Variants in AP3B2 observed in about 807,000 individuals in gnomAD.
The protein encoded by AP3B2 is adaptor related protein complex 3 subunit beta 2.
AP3B2 carries 50 observed loss-of-function variants against 126.9 expected under a neutral mutation model. The ratio of observed to expected loss-of-function variants is 0.39; its 90% CI spans 0.31 to 0.50. The LOEUF is 0.50. AP3B2 is among the 20% of genes least tolerant of loss of function. AP3B2 has a pLI of 0.79. For synonymous variants in AP3B2, 541 were observed against 565.0 expected (o/e 0.96, Z 0.60); for missense variants, 1,177 against 1,426.4 (o/e 0.83, Z 2.82).
At chr15:82,697,544 A>C (rs10906984) in intron 1 of AP3B2, among the ~76,000 whole-genome samples, 88,439 of 151,928 alleles carry the variant, frequency 0.58, 25,917 homozygotes, top group Non-Finnish European at 0.63. Context: ...AGAACACGCA[A>C]CTTAGTCACA....
intron 14 of AP3B2, among the ~76,000 whole-genome samples, chr15:82,668,274 G>A (rs1390057055): frequency 1.3e-5 from 2 of 152,204 alleles, no homozygotes; most frequent in African/African-American, 4.8e-5. Context: ...CTGCGATACT[G>A]TTATAGTCAC....
intron 11 of AP3B2, 123 bp from the exon 12 acceptor site, chr15:82,677,926 G>A (rs1397567002): frequency 7.3e-7 from 1 of 1,367,244 alleles, no homozygotes; most frequent in Non-Finnish European, 9.8e-7. Context: ...GAAAGGGGGT[G>A]ACAACTCCAC....
At chr15:82,704,331 CTTAA>C (rs1357137384) in intron 1 of AP3B2, among the ~76,000 whole-genome samples, 1 of 152,208 alleles carries the variant, frequency 6.6e-6, no homozygotes, top group Non-Finnish European at 1.5e-5. Context: ...CATAACAGGA[CTTAA>C]TTAACCTCGC....
chr15:82,692,696 T>A (rs1204651103), intron 1 of AP3B2: 1 of 153,854 alleles, frequency 6.5e-6, no homozygotes, highest in Non-Finnish European at 1.4e-5. Flanking sequence ...TTCCAGGGAC[T>A]GGAAGGGTCC....
At chr15:82,708,451 T>C (rs1291023964) in intron 1 of AP3B2, among the ~76,000 whole-genome samples, 3 of 151,458 alleles carry the variant, frequency 2.0e-5, no homozygotes, top group African/African-American at 7.3e-5. Context: ...CAATATCCAA[T>C]TAATCATCAG....
intron 14 of AP3B2, among the ~76,000 whole-genome samples, chr15:82,667,663 T>C (rs2151431737): frequency 6.6e-6 from 1 of 152,348 alleles, no homozygotes; most frequent in East Asian, 1.9e-4. Context: ...ACTTATCAAG[T>C]GCCTTCTGGC....
intron 14 of AP3B2, among the ~76,000 whole-genome samples, chr15:82,675,033 T>A (rs999747671): frequency 4.2e-4 from 64 of 152,208 alleles, no homozygotes; most frequent in African/African-American, 1.4e-3. Context: ...GGCTGCTTCA[T>A]CTTTTCAAAC....
chr15:82,667,236 G>T (rs948331528), intron 14 of AP3B2, among the ~76,000 whole-genome samples: 2 of 152,130 alleles, frequency 1.3e-5, no homozygotes, highest in Non-Finnish European at 2.9e-5. Context: ...TAGATTTGTG[G>T]TCCCTACCAC....
At chr15:82,699,297 T>A in intron 1 of AP3B2, 1 of 189,192 alleles carries the variant, frequency 5.3e-6, no homozygotes, top group Non-Finnish European at 1.1e-5. Flanking sequence ...AAACCCTGTC[T>A]GTGCTGTATC....
chr15:82,709,866 CGGATTTCTCAATCA>C (rs1366172171), exon 1 of AP3B2: 6 of 503,114 alleles, frequency 1.2e-5, no homozygotes, highest in African/African-American at 1.2e-4. Flanking sequence ...AGGCTGCGCG[CGGATTTCTCAATCA>C]GGGCCGCGCG....
intron 1 of AP3B2, among the ~76,000 whole-genome samples, chr15:82,700,197 T>C (rs186024682): frequency 1.2e-3 from 185 of 152,122 alleles, no homozygotes; most frequent in Admixed American, 4.3e-3. Context: ...CTCTTCTCAC[T>C]GACCCTAGGC....
At chr15:82,683,048 T>TTTTG (rs2048369181) in intron 4 of AP3B2, among the ~76,000 whole-genome samples, 2 of 36,692 alleles carry the variant, frequency 5.5e-5, no homozygotes, top group African/African-American at 2.4e-4. Flanking sequence ...GCACCAGGAG[T>TTTTG]TTTTTTTTTT....
intron 1 of AP3B2, chr15:82,699,947 G>A (rs925057983): frequency 2.8e-5 from 11 of 398,788 alleles, no homozygotes; most frequent in Non-Finnish European, 4.0e-5. Flanking sequence ...CAGATGGCCC[G>A]CCCCCAAAAC....
intron 4 of AP3B2, chr15:82,685,454 AAAGAC>A (rs752546730): frequency 3.3e-5 from 5 of 152,266 alleles, no homozygotes; most frequent in African/African-American, 1.2e-4. Context: ...TGAAATGGAA[AAAGAC>A]AAGACAAGAT....
Position 82,664,888 on chromosome 15 carries a change from G to A in AP3B2, c.2084C>T (p.Pro695Leu). 5.6e-6 allele frequency: 9 copies of A among 1,607,766 alleles called. No individual in the cohort carries two copies. Among genetic ancestry groups the A allele is most frequent in the Non-Finnish European group, 7.6e-6 (9 of 1,177,202 alleles). ...NREKRKEKEK[P>L]FYSDSEGESG... ...CTCCCCCTCAGAGTCCGAGTAGAAG[G>A]GTTTTTCCTTCTCCTTTCTCTTCTC... The change falls in exon 18 of 27, where the codon CCC (proline) becomes CTC (leucine). Residue 695 changes from proline (P) to leucine (L), a missense_variant. Coordinates refer to ENST00000535359, the MANE Select transcript of AP3B2 (RefSeq NM_001278512.2). This position sits in a 1 kb window ranked among gnomAD's most constrained non-coding sequence, Gnocchi z 4.5.
rs2048340956 is a variant in AP3B2 at position 82,681,662 on chromosome 15, T to A, written c.361-82A>T. On this transcript the variant is annotated intron_variant, in intron 4 of 26. Coordinates refer to ENST00000535359, the MANE Select transcript of AP3B2 (RefSeq NM_001278512.2). This position sits in a 1 kb window ranked among gnomAD's most constrained non-coding sequence, Gnocchi z 4.0. The stretch of plus-strand genomic sequence containing the variant: ...GAGGCCACACCTTTGGAAGTCACTG[T>A]CCCCAGCGACCACTAGCTCTTGCTT... 2.8e-6 allele frequency: 4 copies of A among 1,448,178 alleles called. No individual in the cohort carries two copies. Among genetic ancestry groups the A allele is most frequent in the Non-Finnish European group, 2.8e-6 (3 of 1,070,666 alleles). The allele number at this position is 1,448,178 out of a possible 1,614,324, so 89.7% of individuals were successfully genotyped here.
Position 82,680,412 on chromosome 15 carries a change from G to A in AP3B2, c.1055+60C>T, listed in dbSNP as rs981042896. 8 of 1,446,146 alleles carry A rather than the reference G, an allele frequency of 5.5e-6. No individual in the cohort carries two copies. The highest frequency in any genetic ancestry group is 2.9e-5 in the African/African-American group (2 of 69,864). The allele number at this position is 1,446,146 out of a possible 1,614,324, so 89.6% of individuals were successfully genotyped here. A position where few individuals can be genotyped will look rare whatever the true frequency, so the allele number is the denominator to read the frequency against. ...TGGTGGGCGTGAGGGGGCGGAGCCG[G>A]GCAGCCCGTGGGGCGGGGCAGGAGG... On this transcript the variant is annotated intron_variant, in intron 8 of 26. Transcript: ENST00000535359. The surrounding 1 kb of genome is among the most constrained non-coding windows in gnomAD (Gnocchi z 6.1).
Position 82,666,939 on chromosome 15 carries a change from G to A in AP3B2, c.1666-6C>T. 1 of 1,605,100 alleles carries A rather than the reference G, an allele frequency of 6.2e-7. No homozygotes were observed. Among genetic ancestry groups the A allele is most frequent in the South Asian group, 1.1e-5 (1 of 90,568 alleles). On this transcript the variant is annotated splice_polypyrimidine_tract_variant and splice_region_variant and intron_variant, in intron 14 of 26. Coordinates refer to ENST00000535359, the MANE Select transcript of AP3B2 (RefSeq NM_001278512.2). Reference sequence around the variant, plus strand: ...TACTGGGTCAGCAGCTTGGTCTGGAGGAACAGGAAGAGGTGGGTCAGCTGA... The same window carrying A: ...TACTGGGTCAGCAGCTTGGTCTGGAAGAACAGGAAGAGGTGGGTCAGCTGA...
intron 1 of AP3B2, among the ~76,000 whole-genome samples, chr15:82,704,036 A>G (rs1313734247): frequency 1.3e-5 from 2 of 152,096 alleles, no homozygotes; most frequent in African/African-American, 2.4e-5. Flanking sequence ...AACCTGCCCA[A>G]CAATTTCCTC....
Sources: allele counts gnomAD v4.1 joint callset (sites outside exome capture counted in the v4.1 genomes callset), GRCh38; gene constraint gnomAD v4.1.1; non-coding constraint Gnocchi (gnomAD v3.1); transcripts MANE v1.5; gene names NCBI Gene and HGNC (gene_info 2026-07-23, HGNC 2026-07-21).